Variants in APBA1 observed in about 807,000 individuals in gnomAD.
APBA1 encodes amyloid beta precursor protein binding family A member 1.
APBA1 carries 55 observed loss-of-function variants against 86.6 expected under a neutral mutation model. The ratio of observed to expected loss-of-function variants is 0.64; its 90% CI spans 0.51 to 0.80. The LOEUF (loss-of-function observed/expected upper bound fraction) is 0.80, where lower values mean the gene tolerates loss of function less well. Ranked by LOEUF, APBA1 falls within the 30% of genes least tolerant of loss-of-function variation. APBA1 has a pLI of 0.00. For synonymous variants in APBA1, 511 were observed against 493.9 expected (o/e 1.03, Z -0.46); for missense variants, 1,090 against 1,183.0 (o/e 0.92, Z 1.15).
intron 1 of APBA1, among the ~76,000 whole-genome samples, chr9:69,669,597 G>C (rs546353856): frequency 6.6e-6 from 1 of 152,126 alleles, no homozygotes; most frequent in South Asian, 2.1e-4. Context: ...GCAGCATAGC[G>C]AGACTCTATC....
chr9:69,545,031 C>A (rs1020046071), intron 1 of APBA1, among the ~76,000 whole-genome samples: 1 of 152,182 alleles, frequency 6.6e-6, no homozygotes, highest in Non-Finnish European at 1.5e-5. Flanking sequence ...CTGTTTCTTC[C>A]CCCTGGCCTT....
intron 1 of APBA1, among the ~76,000 whole-genome samples, chr9:69,573,598 G>A (rs1220300116): frequency 1.3e-5 from 2 of 152,104 alleles, no homozygotes; most frequent in Non-Finnish European, 2.9e-5. Flanking sequence ...TTAGATTCTA[G>A]TCCCAGTCTT....
At chr9:69,611,297 A>AC (rs1190310676) in intron 1 of APBA1, among the ~76,000 whole-genome samples, 12 of 150,966 alleles carry the variant, frequency 7.9e-5, no homozygotes, top group South Asian at 2.1e-4. Flanking sequence ...AAAAAAAAAA[A>AC]AAAAAAACAA....
At chr9:69,593,060 AGAGT>A (rs1287239368) in intron 1 of APBA1, among the ~76,000 whole-genome samples, 1 of 152,252 alleles carries the variant, frequency 6.6e-6, no homozygotes, top group Non-Finnish European at 1.5e-5. Context: ...CAAATACTGC[AGAGT>A]AATTATCACT....
chr9:69,434,631 C>G (rs1176241198), intron 11 of APBA1, among the ~76,000 whole-genome samples: 4 of 151,010 alleles, frequency 2.6e-5, no homozygotes, highest in African/African-American at 9.8e-5. Flanking sequence ...CCCTTGAACC[C>G]AGGAGGTGGA....
At chr9:69,672,567 G>T (rs1181497970), upstream of APBA1, among the ~76,000 whole-genome samples, 7 of 148,384 alleles carry the variant, frequency 4.7e-5, no homozygotes, top group Non-Finnish European at 1.5e-5. Context: ...CGGCGGCGGC[G>T]GCGGCACCGC....
chr9:69,598,421 C>T (rs1465994005), intron 1 of APBA1, among the ~76,000 whole-genome samples: 1 of 150,886 alleles, frequency 6.6e-6, no homozygotes, highest in African/African-American at 2.4e-5. Flanking sequence ...TACCCTAAAA[C>T]TTAAAGTATA....
intron 3 of APBA1, 84 bp downstream of exon 3, chr9:69,475,964 T>TA: frequency 4.5e-6 from 5 of 1,101,304 alleles, no homozygotes; most frequent in Non-Finnish European, 6.9e-6. Context: ...AGGAGCGCTG[T>TA]AGGATGCTGT....
At chr9:69,476,020 T>C in intron 3 of APBA1, 28 bp downstream of exon 3, 1 of 1,594,088 alleles carries the variant, frequency 6.3e-7, no homozygotes, top group East Asian at 2.2e-5. Flanking sequence ...AATGGCCCAA[T>C]GGCTTTGGTA....
intron 1 of APBA1, among the ~76,000 whole-genome samples, chr9:69,658,280 CTTTCTCTCTCTCTT>C (rs1823665670): frequency 2.2e-4 from 14 of 62,598 alleles, no homozygotes; most frequent in African/African-American, 7.8e-4. Context: ...TTCTTTCTTT[CTTTCTCTCTCTCTT>C]TCTCTCTCTC....
At chr9:69,496,052 C>G (rs1588320224) in intron 2 of APBA1, among the ~76,000 whole-genome samples, 1 of 152,136 alleles carries the variant, frequency 6.6e-6, no homozygotes, top group Middle Eastern at 3.4e-3. Flanking sequence ...ACATTGGGCT[C>G]AAGAGCTGGA....
chr9:69,516,903 C>A lies in APBA1; in HGVS notation c.308G>T (p.Gly103Val). The change falls in exon 2 of 13, where the codon GGC (glycine) becomes GTC (valine). Residue 103 changes from glycine (G) to valine (V), a missense_variant. Gly to Val is a moderately radical substitution (Grantham distance 109). Coordinates refer to ENST00000265381, the MANE Select transcript of APBA1 (RefSeq NM_001163.4). The surrounding 1 kb of genome is among the most constrained non-coding windows in gnomAD (Gnocchi z 7.3). ...GTCCTGCGCGCGCTCCGCATCGTAG[C>A]CGTCGCGGGCCGCGGCGATCACGTC... is the stretch of plus-strand genomic sequence containing the variant. ...EGDVIAAARDGYDAERAQDPE... is the reference protein window; with the variant it reads ...EGDVIAAARDVYDAERAQDPE... 1 of 1,593,844 alleles carries A rather than the reference C, an allele frequency of 6.3e-7. No individual in the cohort carries two copies. The highest frequency in any genetic ancestry group is 8.5e-7 in the Non-Finnish European group (1 of 1,176,712).
chr9:69,432,311 G>C (rs1274985398), intron 12 of APBA1, among the ~76,000 whole-genome samples: 1 of 152,230 alleles, frequency 6.6e-6, no homozygotes. Context: ...AGATGAAAGA[G>C]AAGGCTGAGG....
chr9:69,501,835 C>T (rs1273334413), intron 2 of APBA1, among the ~76,000 whole-genome samples: 1 of 152,038 alleles, frequency 6.6e-6, no homozygotes, highest in Non-Finnish European at 1.5e-5. Context: ...CTAAAGAGTG[C>T]ATAGTCGGGG....
chr9:69,635,372 A>G (rs947560312), intron 1 of APBA1, among the ~76,000 whole-genome samples: 7 of 152,090 alleles, frequency 4.6e-5, no homozygotes, highest in African/African-American at 1.7e-4. Flanking sequence ...TATACACACA[A>G]AAAAAGCAAG....
chr9:69,432,816 T>G lies in APBA1; in HGVS notation c.2302-140A>C, dbSNP rs1395158903. The G allele has an allele frequency of 4.7e-6, 4 of 856,746 alleles. No individual in the cohort carries two copies. The South Asian group carries it at 1.5e-4, about 31-fold the overall frequency. 53.1% of individuals were successfully genotyped at this position (856,746 alleles called of 1,614,324 possible). The stretch of plus-strand genomic sequence containing the variant: ...GTTAGGCTTTGGGCATTTAACTCTC[T>G]TAGTGTCTTTTCACAAAAAAATAGG... On this transcript the variant is annotated intron_variant, in intron 11 of 12. Transcript: ENST00000265381.
chr9:69,603,492 T>C (rs541890853), intron 1 of APBA1, among the ~76,000 whole-genome samples: 4 of 152,200 alleles, frequency 2.6e-5, no homozygotes, highest in Non-Finnish European at 5.9e-5. Context: ...AAGTGACCAA[T>C]CCCTGCTTTT....
Position 69,651,632 on chromosome 9 carries a change from T to G in APBA1, c.-70+20521A>C, listed in dbSNP as rs770570269. On this transcript the variant is annotated intron_variant, in intron 1 of 12. Transcript: ENST00000265381. ...CTGGGATTCCAGGCACCCACCACCATGCCCAGCTAATTTTTGTATTTTTAG... is the reference window on the plus strand; with the variant it reads ...CTGGGATTCCAGGCACCCACCACCAGGCCCAGCTAATTTTTGTATTTTTAG... Among the ~76,000 whole-genome samples the G allele has an allele frequency of 5.9e-5, 9 of 152,114 alleles. No individual in the cohort carries two copies. The South Asian group carries it at 1.9e-3, about 32-fold the overall frequency.
intron 3 of APBA1, among the ~76,000 whole-genome samples, chr9:69,472,178 C>T (rs1835376671): frequency 6.6e-6 from 1 of 152,172 alleles, no homozygotes; most frequent in Admixed American, 6.5e-5. Flanking sequence ...TCTTCATCTC[C>T]TACTGATTTA....
Sources: allele counts gnomAD v4.1 joint callset (sites outside exome capture counted in the v4.1 genomes callset), GRCh38; gene constraint gnomAD v4.1.1; non-coding constraint Gnocchi (gnomAD v3.1); transcripts MANE v1.5; gene names NCBI Gene and HGNC (gene_info 2026-07-23, HGNC 2026-07-21).